Variants in ZNF699 observed in about 807,000 individuals in gnomAD.
ZNF699 encodes hangover homolog.
A neutral mutation model predicts 22.5 loss-of-function variants in ZNF699; 18 were observed. The observed-to-expected ratio is 0.80, with a 90% CI of 0.55 to 1.19. The LOEUF (loss-of-function observed/expected upper bound fraction) is 1.19. ZNF699 is among the 50% of genes most tolerant of loss of function. ZNF699 has a pLI of 0.00. For synonymous variants in ZNF699, 241 were observed against 262.3 expected (o/e 0.92, Z 0.78); for missense variants, 670 against 763.4 (o/e 0.88, Z 1.44).
chr19:9,304,170 T>C (rs548848738), intron 2 of ZNF699, among the ~76,000 whole-genome samples: 2 of 152,270 alleles, frequency 1.3e-5, no homozygotes, highest in African/African-American at 2.4e-5. Context: ...GCCAGTCTTA[T>C]GATGGCCTAG....
At position 9,295,896 on chromosome 19, in the gene ZNF699, T is replaced by C. The variant is rs767753971; in HGVS notation, c.1508A>G (p.Tyr503Cys). Residue 503 changes from tyrosine to cysteine, a missense_variant, in exon 6 of 6, where the codon TAT becomes TGT. Physicochemically the swap from Tyr to Cys is radical, Grantham distance 194 (BLOSUM62 -2). Coordinates refer to ENST00000591998, the MANE Select transcript of ZNF699 (RefSeq NM_198535.3). The part of the protein sequence containing the change: ...HLRTHSGEKP[Y>C]ECKECGKAFI... ...GGCTTTCCCACATTCTTTACATTCA[T>C]ACGGCTTCTCTCCGCTGTGAGTTCT... 6.2e-7 allele frequency: 1 copy of C among 1,614,200 alleles called. No homozygotes were observed. The highest frequency in any genetic ancestry group is 1.3e-5 in the African/African-American group (1 of 75,062).
rs767700729 is a variant in ZNF699, at chr19:9,297,852, C to G, written c.286+28G>C. ...CTTTAAGTTTATTTTTTCCCCCAAC[C>G]AAAACAGTTTCTCCCAAGGGTTCTT... is the stretch of plus-strand genomic sequence containing the variant. On this transcript the variant is annotated intron_variant, in intron 4 of 5. Transcript: ENST00000591998. This position sits in a 1 kb window ranked among gnomAD's most constrained non-coding sequence, Gnocchi z 4.3. 7 of 1,557,414 alleles carry G rather than the reference C, an allele frequency of 4.5e-6. No homozygotes were observed. Among genetic ancestry groups the G allele is most frequent in the Non-Finnish European group, 6.2e-6 (7 of 1,133,864 alleles).
At chr19:9,304,040 C>T (rs1435153089) in intron 2 of ZNF699, among the ~76,000 whole-genome samples, 2 of 151,962 alleles carry the variant, frequency 1.3e-5, no homozygotes, top group African/African-American at 2.4e-5. Flanking sequence ...AGACTGGTCT[C>T]GAACTCCTGA....
intron 1 of ZNF699, among the ~76,000 whole-genome samples, chr19:9,307,781 A>C (rs1361919141): frequency 2.0e-5 from 3 of 152,074 alleles, no homozygotes; most frequent in African/African-American, 7.2e-5. Flanking sequence ...ACCCACCTCT[A>C]CTAAAAATAC....
Position 9,302,412 on chromosome 19 carries a change from C to G in ZNF699, c.141G>C (p.Val47=). The G allele has an allele frequency of 6.2e-7, 1 of 1,613,976 alleles. No homozygotes were observed. The highest frequency in any genetic ancestry group is 8.5e-7 in the Non-Finnish European group (1 of 1,179,890). ...CCAGGTTCTGGAAGTTTTCCAGCAT[C>G]ACATCTCTGTAGAGGTTTCTCTGAG... The part of the protein sequence containing the change: ...DLAQRNLYRD[V]MLENFQNLAS... Residue 47 remains valine, a synonymous_variant, in exon 3 of 6, where the codon GTG becomes GTC. Coordinates refer to ENST00000591998, the MANE Select transcript of ZNF699 (RefSeq NM_198535.3).
In ZNF699 at chr19:9,293,693, A is replaced by G. The variant is rs915125571; in HGVS notation, c.*1782T>C. Among the ~76,000 whole-genome samples the G allele has an allele frequency of 2.0e-4, 31 of 152,198 alleles. No homozygotes were observed. The highest frequency in any genetic ancestry group is 7.5e-4 in the African/African-American group (31 of 41,450). On this transcript the variant is annotated 3_prime_UTR_variant, in exon 6 of 6. Transcript: ENST00000591998. ...CTAAAGTCTTGGAAATGTTCTGTTT[A>G]CCAGGACATGTACATACATGAAATG...
chr19:9,299,781 C>CA (rs2066300433), intron 3 of ZNF699, among the ~76,000 whole-genome samples: 2 of 149,546 alleles, frequency 1.3e-5, no homozygotes, highest in Admixed American at 6.7e-5. Context: ...GAACTGTTAT[C>CA]AAAAATATAC....
chr19:9,295,209 G>A lies in ZNF699; in HGVS notation c.*266C>T, dbSNP rs2066279834. 2.3e-6 allele frequency: 1 copy of A among 430,024 alleles called. No homozygotes were observed. The highest frequency in any genetic ancestry group is 4.1e-6 in the Non-Finnish European group (1 of 244,930). The allele number at this position is 430,024 out of a possible 1,614,324, so 26.6% of individuals were successfully genotyped here. A position where few individuals can be genotyped will look rare whatever the true frequency, so the allele number is the denominator to read the frequency against. ...TCAATGTTCCTATCAGAAAACACTG[G>A]TAATCAACGAGCCAGCATTCTACTT... On this transcript the variant is annotated 3_prime_UTR_variant, in exon 6 of 6. Transcript: ENST00000591998.
intron 1 of ZNF699, among the ~76,000 whole-genome samples, chr19:9,308,504 C>T (rs1279006478): frequency 6.6e-6 from 1 of 152,066 alleles, no homozygotes; most frequent in African/African-American, 2.4e-5. Context: ...AAAAAATCAG[C>T]GGTTTAAAAC....
At position 9,291,419 on chromosome 19, in the gene ZNF699, A is replaced by G. The variant is rs1054028676; in HGVS notation, c.*4056T>C. ...ATTACAAAGCAACATAAATTAAGAT[A>G]GTATGGTATTGATGCAAGAAAAGAC... On this transcript the variant is annotated 3_prime_UTR_variant, in exon 6 of 6. Coordinates refer to ENST00000591998, the MANE Select transcript of ZNF699 (RefSeq NM_198535.3). The G allele has an allele frequency of 2.0e-5, 3 of 152,214 alleles. No individual in the cohort carries two copies. The highest frequency in any genetic ancestry group is 4.4e-5 in the Non-Finnish European group (3 of 68,040). 9.4% of individuals were successfully genotyped at this position (152,214 alleles called of 1,614,324 possible).
rs2066322324 is a variant in ZNF699, at chr19:9,305,061, C to T, written c.48+11G>A. On this transcript the variant is annotated intron_variant, in intron 2 of 5. Transcript: ENST00000591998. ...AAATATTCTTTTGGACAATTATCAC[C>T]TTTTACTTACCTGTATTCTATTTTT... is the stretch of plus-strand genomic sequence containing the variant. 6.2e-7 allele frequency: 1 copy of T among 1,609,364 alleles called. No individual in the cohort carries two copies. Among genetic ancestry groups the T allele is most frequent in the Non-Finnish European group, 8.5e-7 (1 of 1,175,964 alleles).
Position 9,295,870 on chromosome 19 carries a change from A to G in ZNF699, c.1534T>C (p.Phe512Leu), listed in dbSNP as rs1024552896. The stretch of plus-strand genomic sequence containing the variant: ...ACTGTAAGGTGGGAGGAACTAATAA[A>G]GGCTTTCCCACATTCTTTACATTCA... ...PYECKECGKA[F>L]ISSSHLTVHI... Residue 512 changes from phenylalanine (F) to leucine (L), a missense_variant, in exon 6 of 6, where the codon TTT becomes CTT. Transcript: ENST00000591998. 1.9e-6 allele frequency: 3 copies of G among 1,614,000 alleles called. No homozygotes were observed. The highest frequency in any genetic ancestry group is 2.5e-6 in the Non-Finnish European group (3 of 1,180,008).
intron 1 of ZNF699, 23 bp downstream of exon 1, chr19:9,309,327 G>C (rs2066338933): frequency 6.6e-6 from 1 of 152,330 alleles, no homozygotes; most frequent in South Asian, 2.1e-4. Context: ...ACCGAGCCGA[G>C]GCAAATGTCA....
intron 3 of ZNF699, among the ~76,000 whole-genome samples, chr19:9,298,243 C>T (rs575779540): frequency 8.6e-5 from 13 of 151,472 alleles, no homozygotes; most frequent in African/African-American, 2.4e-4. Flanking sequence ...GTCAGGGGTT[C>T]GAGACTAGCC....
At position 9,296,146 on chromosome 19, in the gene ZNF699, C is replaced by T; in HGVS notation, c.1258G>A (p.Glu420Lys). ...AAGGCCTTTCCACATTCCAGACATT[C>T]ATACGGTTTTTCTCCAGTGTGTTTT... ...MRKHTGEKPY[E>K]CLECGKAFYL... is the part of the protein sequence containing the mutation. Residue 420 changes from glutamate to lysine, a missense_variant, in exon 6 of 6, where the codon GAA becomes AAA. Glu to Lys is a moderately conservative substitution (Grantham distance 56). Transcript: ENST00000591998. 1.9e-6 allele frequency: 3 copies of T among 1,613,920 alleles called. No homozygotes were observed. The highest frequency in any genetic ancestry group is 2.5e-6 in the Non-Finnish European group (3 of 1,179,976).
chr19:9,300,262 A>G (rs534384414), intron 3 of ZNF699, among the ~76,000 whole-genome samples: 331 of 152,242 alleles, frequency 2.2e-3, no homozygotes, highest in African/African-American at 7.7e-3. Flanking sequence ...TTGTATTTTT[A>G]GTACAGATGG....
intron 2 of ZNF699, among the ~76,000 whole-genome samples, chr19:9,304,430 A>G (rs1045993943): frequency 1.4e-4 from 22 of 152,058 alleles, no homozygotes; most frequent in African/African-American, 5.1e-4. Context: ...GAGACTGCAT[A>G]AGCACAATTT....
chr19:9,306,266 C>T (rs1191888589), intron 1 of ZNF699, among the ~76,000 whole-genome samples: 2 of 152,028 alleles, frequency 1.3e-5, no homozygotes, highest in Non-Finnish European at 2.9e-5. Flanking sequence ...GTGGCGCAAG[C>T]CTGTAATCCC....
chr19:9,305,223 T>G, intron 1 of ZNF699, 99 bp from the exon 2 acceptor site: 1 of 885,010 alleles, frequency 1.1e-6, no homozygotes, highest in Non-Finnish European at 1.8e-6. Flanking sequence ...AGCCTGGATG[T>G]TGCAGCCCAT....
Sources: allele counts gnomAD v4.1 joint callset (sites outside exome capture counted in the v4.1 genomes callset), GRCh38; gene constraint gnomAD v4.1.1; non-coding constraint Gnocchi (gnomAD v3.1); transcripts MANE v1.5; gene names NCBI Gene and HGNC (gene_info 2026-07-23, HGNC 2026-07-21).